Variants in BRWD1 observed in about 807,000 individuals in gnomAD.
The protein encoded by BRWD1 is bromodomain and WD repeat-containing protein 1.
A neutral mutation model predicts 251.2 loss-of-function variants in BRWD1; 82 were observed. The ratio of observed to expected loss-of-function variants is 0.33; its 90% CI spans 0.27 to 0.39. The LOEUF is 0.39. BRWD1 is among the 10% of genes least tolerant of loss of function. The probability of loss-of-function intolerance (pLI) is 1.00; values close to 1 mark genes in which losing one functional copy is unlikely to be tolerated. For synonymous variants in BRWD1, 918 were observed against 902.8 expected (o/e 1.02, Z -0.30); for missense variants, 2,233 against 2,711.6 (o/e 0.82, Z 3.92).
chr21:39,270,236 ATATT>A, intron 14 of BRWD1, 43 bp downstream of exon 14: 1 of 1,476,828 alleles, frequency 6.8e-7, no homozygotes, highest in Non-Finnish European at 9.1e-7. Context: ...AATTACAATC[ATATT>A]TCAAAAAATC....
intron 18 of BRWD1, 110 bp from the exon 19 acceptor site, chr21:39,255,938 A>G (rs1358517192): frequency 9.4e-6 from 9 of 961,504 alleles, no homozygotes; most frequent in Non-Finnish European, 1.2e-5. Context: ...TAAAGAACTA[A>G]GAGAAGATAG....
Position 39,197,235 on chromosome 21 carries a change from A to C in BRWD1, c.5834T>G (p.Val1945Gly). 1 of 1,614,062 alleles carries C rather than the reference A, an allele frequency of 6.2e-7. No individual in the cohort carries two copies. Among genetic ancestry groups the C allele is most frequent in the Non-Finnish European group, 8.5e-7 (1 of 1,179,938 alleles). ...AANKIKLMSDVEDVSLENVHT... is the reference protein window; with the variant it reads ...AANKIKLMSDGEDVSLENVHT... The stretch of plus-strand genomic sequence containing the variant: ...CACATTTTCTAAACTGACATCTTCT[A>C]CATCACTCATGAGCTTGATCTTATT... Residue 1945 changes from valine to glycine, a missense_variant, in exon 41 of 41, where the codon GTA (valine) becomes GGA (glycine). Physicochemically the swap from Val to Gly is moderately radical, Grantham distance 109. This residue lies in a region of BRWD1 where 928 missense variants were observed against 970.0 expected (regional missense o/e 0.96). Transcript: ENST00000342449.
chr21:39,312,863 T>C lies in BRWD1; in HGVS notation c.176A>G (p.His59Arg). The C allele has an allele frequency of 6.4e-7, 1 of 1,561,076 alleles. No homozygotes were observed. The highest frequency in any genetic ancestry group is 8.6e-7 in the Non-Finnish European group (1 of 1,156,254). ...CACCAACTCCTCGTAGCTCCTGTTG[T>C]GCTCGTTGCCCTCCCAGTCCAATCT... ...PKRLDWEGNEHNRSYEELVLS... is the reference protein window; with the variant it reads ...PKRLDWEGNERNRSYEELVLS... The change falls in exon 4 of 41, where the codon CAC becomes CGC. Residue 59 changes from histidine (H) to arginine (R), a missense_variant. Around this residue, in one of 12 missense-constraint regions of BRWD1, gnomAD observed 101 missense variants for 95.6 expected, o/e 1.06. Coordinates refer to ENST00000342449, the MANE Select transcript of BRWD1 (RefSeq NM_033656.4).
At chr21:39,245,350 T>C (rs1335815473) in intron 21 of BRWD1, among the ~76,000 whole-genome samples, 1 of 152,182 alleles carries the variant, frequency 6.6e-6, no homozygotes, top group Non-Finnish European at 1.5e-5. Flanking sequence ...AAATTAATTC[T>C]CACCACACCT....
At chr21:39,227,865 T>A (rs917387070) in intron 27 of BRWD1, among the ~76,000 whole-genome samples, 2 of 152,160 alleles carry the variant, frequency 1.3e-5, no homozygotes, top group Non-Finnish European at 1.5e-5. Flanking sequence ...CAAAGATAAT[T>A]ATATACAATA....
intron 8 of BRWD1, among the ~76,000 whole-genome samples, chr21:39,285,838 G>A (rs2035614529): frequency 6.8e-6 from 1 of 146,058 alleles, no homozygotes; most frequent in Non-Finnish European, 1.5e-5. Flanking sequence ...TACTCAGGAG[G>A]GTGAGGGGGG....
chr21:39,185,967 CTTT>C lies in BRWD1; in HGVS notation c.*10289_*10291del, dbSNP rs1399499705. 2 of 152,178 alleles carry C rather than the reference CTTT, an allele frequency of 1.3e-5. No individual in the cohort carries two copies. The highest frequency in any genetic ancestry group is 2.1e-4 in the South Asian group (1 of 4,830). The allele number at this position is 152,178 out of a possible 1,614,324, so 9.4% of individuals were successfully genotyped here. ...ATTAAATCCTATTGTAAATACACTT[CTTT>C]GTTATACCACGACCAAATTTTCTAA... On this transcript the variant is annotated 3_prime_UTR_variant, in exon 41 of 41. Coordinates refer to ENST00000342449, the MANE Select transcript of BRWD1 (RefSeq NM_033656.4).
intron 36 of BRWD1, among the ~76,000 whole-genome samples, chr21:39,208,585 C>G (rs116437713): frequency 0.015 from 2,322 of 152,302 alleles, 58 homozygotes; most frequent in African/African-American, 0.053. Context: ...TGGAGTCTTG[C>G]TCTGTTGCCC....
At chr21:39,258,447 G>A in intron 18 of BRWD1, 40 bp downstream of exon 18, 2 of 1,435,682 alleles carry the variant, frequency 1.4e-6, no homozygotes, top group Non-Finnish European at 1.9e-6. Context: ...TAATTTCAAT[G>A]CAGCCATATT....
At chr21:39,311,728 A>G (rs1449875703) in intron 4 of BRWD1, among the ~76,000 whole-genome samples, 1 of 152,248 alleles carries the variant, frequency 6.6e-6, no homozygotes, top group Non-Finnish European at 1.5e-5. Flanking sequence ...ATCCACTGTT[A>G]AAGTGTTTAC....
Position 39,261,877 on chromosome 21 carries a change from G to A in BRWD1, c.1885+2583C>T, listed in dbSNP as rs904362998. On this transcript the variant is annotated intron_variant, in intron 17 of 40. Transcript: ENST00000342449. Reference sequence around the variant, plus strand: ...ACCCATACCATATGAACATTTAAGTGTAAATACTCTACACTTAATAGAGTA... The same window carrying A: ...ACCCATACCATATGAACATTTAAGTATAAATACTCTACACTTAATAGAGTA... 1.5e-4 allele frequency among the ~76,000 whole-genome samples: 23 copies of A among 152,112 alleles called. 1 individual carries two copies. The highest frequency in any genetic ancestry group is 2.2e-4 in the Non-Finnish European group (15 of 68,024).
intron 36 of BRWD1, among the ~76,000 whole-genome samples, chr21:39,207,485 A>ACACACACACACACACAC (rs1350272514): frequency 0.012 from 1,431 of 120,062 alleles, 25 homozygotes; most frequent in Admixed American, 0.045. Flanking sequence ...CACACACACA[A>ACACACACACACACACAC]ACAAAACTCC....
At chr21:39,212,618 A>T (rs1302531850) in intron 34 of BRWD1, 48 bp downstream of exon 34, 4 of 1,422,886 alleles carry the variant, frequency 2.8e-6, no homozygotes, top group Non-Finnish European at 2.9e-6. Context: ...ATTGATTTTA[A>T]AACAAAGAAA....
chr21:39,258,608 T>A lies in BRWD1; in HGVS notation c.1950A>T (p.Pro650=). 1 of 1,612,874 alleles carries A rather than the reference T, an allele frequency of 6.2e-7. No individual in the cohort carries two copies. Among genetic ancestry groups the A allele is most frequent in the South Asian group, 1.1e-5 (1 of 90,900 alleles). ...TCATTCCATCAAGAATACTCGATTCTGGGCTGCGTTCATCATTATCATTGG... is the reference window on the plus strand; with the variant it reads ...TCATTCCATCAAGAATACTCGATTCAGGGCTGCGTTCATCATTATCATTGG... ...LQTNDNDERS[P]ESSILDGMIR... Residue 650 remains proline (P), a synonymous_variant, in exon 18 of 41, where the codon CCA becomes CCT. Coordinates refer to ENST00000342449, the MANE Select transcript of BRWD1 (RefSeq NM_033656.4).
At chr21:39,277,942 G>A (rs1438586232) in intron 10 of BRWD1, among the ~76,000 whole-genome samples, 1 of 151,996 alleles carries the variant, frequency 6.6e-6, no homozygotes, top group African/African-American at 2.4e-5. Flanking sequence ...TCAACCTCCT[G>A]GACACAAGCA....
In BRWD1 at chr21:39,196,651, T is replaced by G. The variant is rs142727235; in HGVS notation, c.6418A>C (p.Ile2140Leu). 10 of 1,613,682 alleles carry G rather than the reference T, an allele frequency of 6.2e-6. No individual in the cohort carries two copies. The highest frequency in any genetic ancestry group is 8.5e-6 in the Non-Finnish European group (10 of 1,179,852). Residue 2140 changes from isoleucine (I) to leucine (L), a missense_variant, in exon 41 of 41, where the codon ATC becomes CTC. Coordinates refer to ENST00000342449, the MANE Select transcript of BRWD1 (RefSeq NM_033656.4). ...RSHPELENVK[I>L]SETTGNSKFR... ...TTTGAATTCCCAGTTGTTTCAGAGATTTTCACATTTTCCAATTCAGGATGC... is the reference window on the plus strand; with the variant it reads ...TTTGAATTCCCAGTTGTTTCAGAGAGTTTCACATTTTCCAATTCAGGATGC...
At chr21:39,262,719 G>C in intron 17 of BRWD1, among the ~76,000 whole-genome samples, 1 of 151,824 alleles carries the variant, frequency 6.6e-6, no homozygotes. Flanking sequence ...GTCTCAAAAA[G>C]ATTACACTTT....
rs2031547463 is a variant in BRWD1 at position 39,191,403 on chromosome 21, G to GT, written c.*4855dup. ...TGTATTTGGCTTGGAGTAGTGTTTT[G>GT]TTTTGTTTTTTAACTCTTTTGCTTG... On this transcript the variant is annotated 3_prime_UTR_variant, in exon 41 of 41. Coordinates refer to ENST00000342449, the MANE Select transcript of BRWD1 (RefSeq NM_033656.4). 1 of 985,232 alleles carries GT rather than the reference G, an allele frequency of 1.0e-6. No individual in the cohort carries two copies. Among genetic ancestry groups the GT allele is most frequent in the Non-Finnish European group, 1.2e-6 (1 of 829,862 alleles). The allele number at this position is 985,232 out of a possible 1,614,324, so 61.0% of individuals were successfully genotyped here.
At position 39,263,573 on chromosome 21, in the gene BRWD1, G is replaced by A. The variant is rs536248400; in HGVS notation, c.1885+887C>T. Among the ~76,000 whole-genome samples the A allele has an allele frequency of 6.6e-5, 10 of 152,222 alleles. No homozygotes were observed. The South Asian group carries it at 1.9e-3, about 28-fold the overall frequency. Reference sequence around the variant, plus strand: ...ATAAGCCTCATCAATAAATAAAGGGGTGAGCAATAGACAGTCATATGCAAT... The same window carrying A: ...ATAAGCCTCATCAATAAATAAAGGGATGAGCAATAGACAGTCATATGCAAT... On this transcript the variant is annotated intron_variant, in intron 17 of 40. Coordinates refer to ENST00000342449, the MANE Select transcript of BRWD1 (RefSeq NM_033656.4).
Sources: allele counts gnomAD v4.1 joint callset (sites outside exome capture counted in the v4.1 genomes callset), GRCh38; gene constraint gnomAD v4.1.1; regional missense constraint gnomAD v4.1.1; transcripts MANE v1.5; gene names NCBI Gene and HGNC (gene_info 2026-07-23, HGNC 2026-07-21).